ATP9B: variants seen among roughly 807,000 people sequenced by gnomAD.
ATP9B encodes ATPase phospholipid transporting 9B.
ATP9B carries 110 observed loss-of-function variants against 146.1 expected under a neutral mutation model. The observed-to-expected ratio is 0.75, with a 90% CI of 0.65 to 0.88. The LOEUF (loss-of-function observed/expected upper bound fraction) is 0.88, where lower values mean the gene tolerates loss of function less well. ATP9B is among the 40% of genes least tolerant of loss of function. The pLI, the probability that ATP9B is intolerant of heterozygous loss-of-function variation, is 0.00. For missense variants in ATP9B, 1,499 were observed against 1,496.4 expected (o/e 1.00, Z -0.03); for synonymous variants, 604 against 569.7 (o/e 1.06, Z -0.86).
intron 23 of ATP9B, 54 bp downstream of exon 23, chr18:79,345,893 G>A (rs2096883525): frequency 1.3e-5 from 20 of 1,589,986 alleles, no homozygotes; most frequent in African/African-American, 2.7e-5. Context: ...ACATCAACAC[G>A]ACTCAGCACA....
At chr18:79,326,793 G>A (rs775265993) in intron 15 of ATP9B, among the ~76,000 whole-genome samples, 1 of 152,214 alleles carries the variant, frequency 6.6e-6, no homozygotes, top group Non-Finnish European at 1.5e-5. Flanking sequence ...GTCTGCCCAC[G>A]AGTGCATGTC....
intron 15 of ATP9B, among the ~76,000 whole-genome samples, chr18:79,313,278 C>T (rs1021726348): frequency 1.5e-4 from 23 of 152,182 alleles, no homozygotes; most frequent in African/African-American, 4.3e-4. Context: ...ACTGACAAGA[C>T]GATGAGTTGA....
chr18:79,335,513 T>C (rs2096819318), intron 17 of ATP9B, among the ~76,000 whole-genome samples: 1 of 152,246 alleles, frequency 6.6e-6, no homozygotes, highest in Non-Finnish European at 1.5e-5. Context: ...CACCGTTTCA[T>C]GAGCTCATTG....
At chr18:79,157,246 ACT>A (rs1555714568) in intron 7 of ATP9B, among the ~76,000 whole-genome samples, 3 of 144,434 alleles carry the variant, frequency 2.1e-5, no homozygotes, top group African/African-American at 7.7e-5. Flanking sequence ...ACACACACAC[ACT>A]AGCCAGTCAT....
chr18:79,191,281 G>A (rs1324407561), intron 8 of ATP9B, among the ~76,000 whole-genome samples: 1 of 151,846 alleles, frequency 6.6e-6, no homozygotes, highest in Admixed American at 6.6e-5. Context: ...TTGGTTTTTA[G>A]CAATTTGATT....
intron 10 of ATP9B, chr18:79,209,846 C>G: frequency 5.2e-6 from 1 of 191,480 alleles, no homozygotes; most frequent in Non-Finnish European, 9.6e-6. Context: ...ATTCTATATA[C>G]CACACTGCTA....
At chr18:79,326,585 T>G (rs1391690750) in intron 15 of ATP9B, among the ~76,000 whole-genome samples, 2 of 152,080 alleles carry the variant, frequency 1.3e-5, no homozygotes, top group African/African-American at 4.8e-5. Context: ...GTACCCTCCC[T>G]CCCTGAGCTC....
chr18:79,267,088 T>C (rs2096210984), intron 12 of ATP9B, among the ~76,000 whole-genome samples: 1 of 152,100 alleles, frequency 6.6e-6, no homozygotes, highest in South Asian at 2.1e-4. Flanking sequence ...TGGAACATTT[T>C]TGACACATTG....
chr18:79,080,737 G>A (rs1267650934), intron 1 of ATP9B, among the ~76,000 whole-genome samples: 1 of 152,148 alleles, frequency 6.6e-6, no homozygotes, highest in Admixed American at 6.5e-5. Context: ...TGCCCACTCA[G>A]TATGATATTG....
chr18:79,295,595 C>T (rs1025317259), intron 13 of ATP9B, among the ~76,000 whole-genome samples: 6 of 152,246 alleles, frequency 3.9e-5, no homozygotes, highest in Non-Finnish European at 8.8e-5. Flanking sequence ...ATTAGAATAG[C>T]TTTATTCACA....
rs149058505 is a variant in ATP9B at position 79,124,777 on chromosome 18, G to A, written c.559-1490G>A. ...TGGGGAGAGCCTGCGTCCGGCTGGG[G>A]TGCCACACCGAGTACAGTCAGGCTG... is the stretch of plus-strand genomic sequence containing the variant. On this transcript the variant is annotated intron_variant, in intron 4 of 29. Transcript: ENST00000426216. Among the ~76,000 whole-genome samples the A allele has an allele frequency of 1.8e-3, 269 of 152,328 alleles. 4 individuals are homozygous for A. Among genetic ancestry groups the A allele is most frequent in the African/African-American group, 6.0e-3 (251 of 41,584 alleles).
At chr18:79,202,016 C>G (rs890683276) in intron 9 of ATP9B, among the ~76,000 whole-genome samples, 1 of 152,086 alleles carries the variant, frequency 6.6e-6, no homozygotes, top group Non-Finnish European at 1.5e-5. Flanking sequence ...TGTGATTGTA[C>G]CACTGCACTG....
At chr18:79,161,795 G>A (rs920505547) in intron 7 of ATP9B, among the ~76,000 whole-genome samples, 39 of 152,266 alleles carry the variant, frequency 2.6e-4, no homozygotes, top group African/African-American at 9.1e-4. Context: ...GCAGTGAGCC[G>A]AGTTCGCACC....
rs370304545 is a variant in ATP9B, at chr18:79,345,582, G to A, written c.2617+10G>A. 1.8e-5 allele frequency: 29 copies of A among 1,604,620 alleles called. No homozygotes were observed. In the African/African-American group the frequency reaches 2.8e-4, roughly 16 times the overall value. Reference sequence around the variant, plus strand: ...CGCACCTGCGCCATCGGTGAGAGCCGCCCACCCTGCTCACAGGGAGGTCTC... The same window carrying A: ...CGCACCTGCGCCATCGGTGAGAGCCACCCACCCTGCTCACAGGGAGGTCTC... On this transcript the variant is annotated intron_variant, in intron 22 of 29. Coordinates refer to ENST00000426216, the MANE Select transcript of ATP9B (RefSeq NM_198531.5).
At chr18:79,112,552 C>T (rs2147004057) in intron 3 of ATP9B, among the ~76,000 whole-genome samples, 1 of 152,174 alleles carries the variant, frequency 6.6e-6, no homozygotes, top group East Asian at 1.9e-4. Context: ...TACCCAAAGA[C>T]CATAAGAGTA....
chr18:79,096,281 A>C (rs945478022), intron 1 of ATP9B, among the ~76,000 whole-genome samples, 195 bp from the exon 2 acceptor site: 2 of 151,950 alleles, frequency 1.3e-5, no homozygotes, highest in Non-Finnish European at 2.9e-5. Flanking sequence ...TTCAGCTAGC[A>C]CAGGTCTCGT....
chr18:79,157,147 G>A (rs367802267), intron 7 of ATP9B, among the ~76,000 whole-genome samples: 290 of 151,784 alleles, frequency 1.9e-3, no homozygotes, highest in Non-Finnish European at 3.1e-3. Flanking sequence ...GATCACTTGA[G>A]GTCAGGAGTT....
chr18:79,119,610 C>T (rs951780824), intron 4 of ATP9B, among the ~76,000 whole-genome samples: 13 of 152,104 alleles, frequency 8.5e-5, no homozygotes, highest in African/African-American at 3.1e-4. Flanking sequence ...GCCACTTTTT[C>T]CATTTGAATA....
intron 26 of ATP9B, among the ~76,000 whole-genome samples, chr18:79,368,828 C>G (rs1010803237): frequency 6.6e-6 from 1 of 151,912 alleles, no homozygotes; most frequent in Non-Finnish European, 1.5e-5. Context: ...GCACCCTCGT[C>G]GTTGGCACGT....
Sources: allele counts gnomAD v4.1 joint callset (sites outside exome capture counted in the v4.1 genomes callset), GRCh38; gene constraint gnomAD v4.1.1; transcripts MANE v1.5; gene names NCBI Gene and HGNC (gene_info 2026-07-23, HGNC 2026-07-21).